Variants in NOL10 observed in about 807,000 individuals in gnomAD.
NOL10 encodes the protein H_NH0074G24.1.
In NOL10, 58 loss-of-function variants were observed where a neutral mutation model predicts 103.5. The observed-to-expected ratio is 0.56, with a 90% CI of 0.45 to 0.70. NOL10 has a LOEUF of 0.70. NOL10 is among the 30% of genes least tolerant of loss of function. NOL10 has a pLI of 0.00. For synonymous variants in NOL10, 287 were observed against 282.5 expected, an observed-to-expected ratio of 1.02 and a Z score of -0.16; for missense variants, 763 against 807.3, an observed-to-expected ratio of 0.95 and a Z score of 0.67.
In NOL10 at chr2:10,654,555, T is replaced by C. The variant is rs778575007; in HGVS notation, c.907-8A>G. 2 of 1,583,542 alleles carry C rather than the reference T, an allele frequency of 1.3e-6. No homozygotes were observed. The highest frequency in any genetic ancestry group is 1.7e-6 in the Non-Finnish European group (2 of 1,168,542). ...GGAAGTAAATATTTTTCCCTAAAAA[T>C]AGCAAGCAAAAACGAAGTATTAAAA... On this transcript the variant is annotated splice_region_variant and splice_polypyrimidine_tract_variant and intron_variant, in intron 11 of 20. Transcript: ENST00000381685.
At chr2:10,686,397 TGGA>T (rs1400344481) in intron 1 of NOL10, among the ~76,000 whole-genome samples, 1 of 151,668 alleles carries the variant, frequency 6.6e-6, no homozygotes, top group African/African-American at 2.4e-5. Context: ...CAGTGTAAGG[TGGA>T]GAACAGTGAC....
chr2:10,613,809 T>C (rs980908388), intron 13 of NOL10, among the ~76,000 whole-genome samples: 2 of 152,178 alleles, frequency 1.3e-5, no homozygotes, highest in Non-Finnish European at 2.9e-5. Context: ...TATCTAGTTA[T>C]TTTATTATAG....
intron 4 of NOL10, 91 bp from the exon 5 acceptor site, chr2:10,673,648 A>C: frequency 1.2e-6 from 1 of 812,754 alleles, no homozygotes; most frequent in South Asian, 1.9e-5. Context: ...TTCAACACAG[A>C]AATTATATAC....
rs148449247 is a variant in NOL10 at position 10,623,260 on chromosome 2, T to C, written c.1027-15949A>G. Among the ~76,000 whole-genome samples, 250 of 152,204 alleles carry C rather than the reference T, an allele frequency of 1.6e-3. 1 individual carries two copies. Among genetic ancestry groups the C allele is most frequent in the African/African-American group, 5.8e-3 (241 of 41,532 alleles). On this transcript the variant is annotated intron_variant, in intron 13 of 20. Coordinates refer to ENST00000381685, the MANE Select transcript of NOL10 (RefSeq NM_024894.4). The stretch of plus-strand genomic sequence containing the variant: ...AAGGTTTGGCTTTAAGTCCTGATAC[T>C]TCTCCAGTCTTACCGGAGAAGTATC...
chr2:10,641,951 T>C (rs1408628731), intron 13 of NOL10, among the ~76,000 whole-genome samples: 1 of 152,198 alleles, frequency 6.6e-6, no homozygotes, highest in East Asian at 1.9e-4. Flanking sequence ...GTTGATTCTA[T>C]CTACTTTTGA....
intron 12 of NOL10, among the ~76,000 whole-genome samples, chr2:10,649,309 GAATT>G (rs1229082385): frequency 1.1e-4 from 12 of 110,966 alleles, no homozygotes; most frequent in Admixed American, 2.2e-4. Flanking sequence ...CTGTATGTTT[GAATT>G]TTTTTTTTTT....
intron 9 of NOL10, 102 bp from the exon 10 acceptor site, chr2:10,659,352 G>T (rs80199578): frequency 1.5e-5 from 6 of 395,072 alleles, no homozygotes; most frequent in Admixed American, 1.4e-4. Flanking sequence ...GGGGGGGGGG[G>T]GGAGGAATCA....
At chr2:10,587,110 C>CAT (rs1323333701) in intron 19 of NOL10, among the ~76,000 whole-genome samples, 1 of 42,182 alleles carries the variant, frequency 2.4e-5, no homozygotes, top group Non-Finnish European at 4.3e-5. Context: ...CATATATATA[C>CAT]ATATATATAC....
At chr2:10,608,306 A>G (rs1676367578) in intron 13 of NOL10, among the ~76,000 whole-genome samples, 1 of 152,236 alleles carries the variant, frequency 6.6e-6, no homozygotes, top group Admixed American at 6.5e-5. Flanking sequence ...ATAACCAACT[A>G]ATAAAATATG....
chr2:10,676,531 C>T (rs1043046349), intron 3 of NOL10, among the ~76,000 whole-genome samples: 1 of 152,042 alleles, frequency 6.6e-6, no homozygotes, highest in Non-Finnish European at 1.5e-5. Flanking sequence ...GCTGCCAAAA[C>T]GTACTATAAA....
At chr2:10,652,683 A>G (rs1679556304) in intron 12 of NOL10, among the ~76,000 whole-genome samples, 1 of 152,148 alleles carries the variant, frequency 6.6e-6, no homozygotes, top group Non-Finnish European at 1.5e-5. Context: ...CTCCCAAATG[A>G]ACCAGCTCCT....
intron 13 of NOL10, among the ~76,000 whole-genome samples, chr2:10,637,816 C>A (rs886194590): frequency 4.2e-4 from 64 of 152,286 alleles, no homozygotes; most frequent in African/African-American, 1.5e-3. Flanking sequence ...AGCACTAGTG[C>A]AAGTTAGAAG....
intron 13 of NOL10, among the ~76,000 whole-genome samples, chr2:10,643,819 A>T (rs1420711099): frequency 1.3e-5 from 2 of 152,260 alleles, no homozygotes; most frequent in Non-Finnish European, 2.9e-5. Flanking sequence ...TTAACATGAT[A>T]TTAAACAGTT....
chr2:10,668,619 G>A (rs765546813), intron 7 of NOL10, 39 bp downstream of exon 7: 25 of 1,114,022 alleles, frequency 2.2e-5, no homozygotes, highest in Non-Finnish European at 3.2e-5. Context: ...TCCACCTCCT[G>A]GTCAAAATGT....
At chr2:10,604,494 A>G (rs6432111) in intron 14 of NOL10, among the ~76,000 whole-genome samples, 1 of 151,980 alleles carries the variant, frequency 6.6e-6, no homozygotes, top group Admixed American at 6.5e-5. Context: ...GTTAATAAAA[A>G]TATGGGGTTT....
chr2:10,640,658 C>T (rs1417117720), intron 13 of NOL10, among the ~76,000 whole-genome samples: 1 of 152,162 alleles, frequency 6.6e-6, no homozygotes, highest in Non-Finnish European at 1.5e-5. Flanking sequence ...TTCTCATCAC[C>T]AGCCCCTCAT....
intron 13 of NOL10, among the ~76,000 whole-genome samples, chr2:10,610,235 G>A (rs1238666432): frequency 2.0e-5 from 3 of 152,098 alleles, no homozygotes; most frequent in Non-Finnish European, 4.4e-5. Context: ...ACAATAAAAA[G>A]ATTATACTGT....
intron 3 of NOL10, among the ~76,000 whole-genome samples, chr2:10,680,358 GAGAGGGAGAAGAGGGAGAGGGAGA>G (rs1681666562): frequency 9.4e-6 from 1 of 106,384 alleles, no homozygotes; most frequent in Non-Finnish European, 1.8e-5. Flanking sequence ...GGAGAAGAGG[GAGAGGGAGAAGAGGGAGAGGGAGA>G]AGAGGGAGAG....
chr2:10,681,427 T>C (rs1465978556), intron 3 of NOL10, among the ~76,000 whole-genome samples: 2 of 152,144 alleles, frequency 1.3e-5, no homozygotes, highest in African/African-American at 4.8e-5. Flanking sequence ...TAAACTTGTC[T>C]ATATTGAAAA....
Sources: allele counts gnomAD v4.1 joint callset (sites outside exome capture counted in the v4.1 genomes callset), GRCh38; gene constraint gnomAD v4.1.1; transcripts MANE v1.5; gene names NCBI Gene and HGNC (gene_info 2026-07-23, HGNC 2026-07-21).